The following MCF2L variants were observed in gnomAD, a reference collection of about 807,000 sequenced individuals.
MCF2L encodes the protein MCF.2 cell line derived transforming sequence like, also known as guanine nucleotide exchange factor DBS.
In MCF2L, 97 loss-of-function variants were observed where a neutral mutation model predicts 153.4. The observed-to-expected ratio is 0.63, with a 90% CI of 0.54 to 0.75. The LOEUF (loss-of-function observed/expected upper bound fraction) is 0.75. Among genes scored for constraint, MCF2L ranks in the 30% least tolerant of loss-of-function variants. The pLI is 0.00. For missense variants in MCF2L, 1,347 were observed against 1,495.2 expected (o/e 0.90, Z 1.64); for synonymous variants, 659 against 632.2 (o/e 1.04, Z -0.64).
In MCF2L at chr13:113,096,826, C is replaced by T. The variant is rs768816466; in HGVS notation, c.3345C>T (p.Gly1115=). The change falls in exon 30 of 30, where the codon GGC becomes GGT. Residue 1115 remains glycine (G), a synonymous_variant. Coordinates refer to ENST00000535094, the MANE Select transcript of MCF2L (RefSeq NM_001112732.3). ...VLSNSSSCSE[G]GQAPFSDLQG ...GCAACTCGTCCAGCTGCAGCGAGGG[C>T]GGCCAGGCCCCCTTCTCCGACCTGC... 2.6e-6 allele frequency: 4 copies of T among 1,525,306 alleles called. No homozygotes were observed. The highest frequency in any genetic ancestry group is 1.4e-5 in the African/African-American group (1 of 69,478). 94.5% of individuals were successfully genotyped at this position (1,525,306 alleles called of 1,614,324 possible). A position where few individuals can be genotyped will look rare whatever the true frequency, so the allele number is the denominator to read the frequency against.
intron 24 of MCF2L, 59 bp downstream of exon 24, chr13:113,088,464 T>C (rs1252895925): frequency 6.2e-7 from 1 of 1,607,508 alleles, no homozygotes; most frequent in Admixed American, 1.7e-5. Flanking sequence ...CATTTTTACC[T>C]ATGTTCAGAG....
chr13:113,033,100 T>C (rs76074022), intron 3 of MCF2L, among the ~76,000 whole-genome samples: 14 of 26,036 alleles, frequency 5.4e-4, no homozygotes, highest in East Asian at 3.7e-3. Flanking sequence ...CATGAGTGGC[T>C]GCCATGACGT....
In MCF2L at chr13:112,932,575, T is replaced by G. The variant is rs74532747; in HGVS notation, c.169+30204T>G. Among the ~76,000 whole-genome samples the G allele has an allele frequency of 0.099, 15,117 of 152,172 alleles. 866 individuals carry two copies. Among genetic ancestry groups the G allele is most frequent in the East Asian group, 0.15 (785 of 5,172 alleles). ...TTAAGATATGAATATTGGAGGACAC[T>G]GGGGGAGGGGTGTGTGGGAGCCCTG... is the stretch of plus-strand genomic sequence containing the variant. On this transcript the variant is annotated intron_variant, in intron 2 of 29. Coordinates refer to the MCF2L transcript ENST00000375608. The surrounding 1 kb of genome is among the most constrained non-coding windows in gnomAD (Gnocchi z 4.6).
chr13:112,911,756 A>T (rs922551302), intron 2 of MCF2L, among the ~76,000 whole-genome samples: 1 of 152,322 alleles, frequency 6.6e-6, no homozygotes, highest in South Asian at 2.1e-4. Context: ...CTGAGCAGCG[A>T]TTTCTTCCGT....
chr13:113,019,324 C>T (rs2084731738), intron 2 of MCF2L, among the ~76,000 whole-genome samples: 3 of 152,202 alleles, frequency 2.0e-5, no homozygotes, highest in Non-Finnish European at 4.4e-5. Context: ...AGCCACCAGA[C>T]CCGAAGCTCA....
chr13:113,048,098 T>C (rs1056696326), intron 4 of MCF2L, among the ~76,000 whole-genome samples: 2 of 152,234 alleles, frequency 1.3e-5, no homozygotes, highest in Non-Finnish European at 2.9e-5. Flanking sequence ...CCCTACAGGA[T>C]AGCGAAGCAG....
rs2081156929 is a variant in MCF2L, at chr13:112,904,864, G to T, written c.169+2493G>T. ...CCCAGCTGGCTGGAGACAGTTGGTG[G>T]TGATGAAACCTGTTTGTATCAGAAC... On this transcript the variant is annotated intron_variant, in intron 2 of 29. Transcript: ENST00000375608. This position sits in a 1 kb window ranked among gnomAD's most constrained non-coding sequence, Gnocchi z 4.2. Among the ~76,000 whole-genome samples the T allele has an allele frequency of 6.6e-6, 1 of 152,256 alleles. No homozygotes were observed. The highest frequency in any genetic ancestry group is 2.4e-5 in the African/African-American group (1 of 41,466).
chr13:113,039,745 G>C (rs1187578933), intron 3 of MCF2L, among the ~76,000 whole-genome samples: 2 of 152,172 alleles, frequency 1.3e-5, no homozygotes, highest in East Asian at 3.9e-4. Flanking sequence ...ATATCAGGAC[G>C]CCACTCTGTA....
intron 1 of MCF2L, among the ~76,000 whole-genome samples, chr13:112,996,750 G>A (rs900071441): frequency 6.6e-6 from 1 of 152,216 alleles, no homozygotes; most frequent in African/African-American, 2.4e-5. Context: ...GAGCCCTGTG[G>A]GTGGAGACCT....
intron 1 of MCF2L, among the ~76,000 whole-genome samples, chr13:112,981,024 C>G (rs1397609856): frequency 1.3e-5 from 2 of 151,500 alleles, no homozygotes; most frequent in African/African-American, 4.8e-5. Context: ...ACTGGGGACT[C>G]TGACACGTCC....
rs888100567 is a variant in MCF2L, at chr13:113,062,399, G to A, written c.489+1687G>A. Among the ~76,000 whole-genome samples, 3 of 152,180 alleles carry A rather than the reference G, an allele frequency of 2.0e-5. No homozygotes were observed. The East Asian group carries it at 5.8e-4, about 29-fold the overall frequency. On this transcript the variant is annotated intron_variant, in intron 5 of 29. Transcript: ENST00000535094. ...GCTACTCTCTTGGTGGCTTGTGTGTGTTATGGCCCTTATGATGGAGATAAC... is the reference window on the plus strand; with the variant it reads ...GCTACTCTCTTGGTGGCTTGTGTGTATTATGGCCCTTATGATGGAGATAAC...
chr13:112,976,049 G>A (rs770670461), intron 1 of MCF2L, among the ~76,000 whole-genome samples: 18 of 152,158 alleles, frequency 1.2e-4, no homozygotes, highest in Non-Finnish European at 2.2e-4. Context: ...TTACAGTTGC[G>A]AGTTTGAAAA....
intron 2 of MCF2L, among the ~76,000 whole-genome samples, chr13:112,946,285 TA>T (rs34257159): frequency 0.41 from 60,439 of 145,784 alleles, 12,207 homozygotes; most frequent in East Asian, 0.63. Context: ...CCCTTTCTGA[TA>T]AAAAAAAAAA....
intron 2 of MCF2L, 148 bp downstream of exon 2, chr13:113,014,994 C>T (rs966977395): frequency 5.0e-5 from 33 of 664,900 alleles, no homozygotes; most frequent in African/African-American, 4.5e-4. Context: ...GACCTGTGAC[C>T]TGGCTCTCCC....
chr13:112,943,463 A>AG lies in MCF2L; in HGVS notation c.169+41096dup, dbSNP rs2081597902. 6.6e-6 allele frequency among the ~76,000 whole-genome samples: 1 copy of AG among 151,782 alleles called. No individual in the cohort carries two copies. On this transcript the variant is annotated intron_variant, in intron 2 of 29. Transcript: ENST00000375608. This position sits in a 1 kb window ranked among gnomAD's most constrained non-coding sequence, Gnocchi z 4.2. The stretch of plus-strand genomic sequence containing the variant: ...CCGGGAGAGGCGCCGCCTTGGTTGC[A>AG]GGGGCCGGGGCGCGGCGGCCCGGGC...
Position 113,063,457 on chromosome 13 carries a change from ACACAGCCGCCCACAGCGTTCAGGCG to A in MCF2L, c.490-846_490-822del, listed in dbSNP as rs1566828180. 1.9e-4 allele frequency among the ~76,000 whole-genome samples: 28 copies of A among 147,422 alleles called. No individual in the cohort carries two copies. In the East Asian group the frequency reaches 5.8e-3, roughly 30 times the overall value. On this transcript the variant is annotated intron_variant, in intron 5 of 29. Coordinates refer to ENST00000535094, the MANE Select transcript of MCF2L (RefSeq NM_001112732.3). ...CCACAGCGTTCAGGCGTCCCTGTCC[ACACAGCCGCCCACAGCGTTCAGGCG>A]TCCCTGTCCACACAGCTGCCCACAG...
intron 3 of MCF2L, among the ~76,000 whole-genome samples, chr13:113,025,850 G>C (rs1336898550): frequency 9.2e-5 from 11 of 119,656 alleles, no homozygotes; most frequent in Middle Eastern, 6.6e-3. Flanking sequence ...GTTTCATCAT[G>C]GTGGGGTCCC....
intron 2 of MCF2L, among the ~76,000 whole-genome samples, chr13:112,926,576 A>G (rs1340992137): frequency 6.6e-6 from 1 of 152,220 alleles, no homozygotes; most frequent in East Asian, 1.9e-4. Context: ...CGATATGCAC[A>G]GCAGAGTGCT....
intron 2 of MCF2L, among the ~76,000 whole-genome samples, chr13:112,942,616 A>C (rs1455336759): frequency 6.6e-6 from 1 of 152,120 alleles, no homozygotes; most frequent in Non-Finnish European, 1.5e-5. Context: ...CCTACAGTCC[A>C]CCTGTCTGAT....
Sources: allele counts gnomAD v4.1 joint callset (sites outside exome capture counted in the v4.1 genomes callset), GRCh38; gene constraint gnomAD v4.1.1; non-coding constraint Gnocchi (gnomAD v3.1); transcripts MANE v1.5; gene names NCBI Gene and HGNC (gene_info 2026-07-23, HGNC 2026-07-21).